FAM89A: variants seen among roughly 807,000 people sequenced by gnomAD.
FAM89A encodes the protein protein FAM89A.
FAM89A carries 10 observed loss-of-function variants against 7.1 expected under a neutral mutation model. The ratio of observed to expected loss-of-function variants is 1.40; its 90% CI spans 0.86 to 2.38. The LOEUF (loss-of-function observed/expected upper bound fraction) is 2.38, where lower values mean the gene tolerates loss of function less well. Among genes scored for constraint, FAM89A ranks in the 30% most tolerant of loss-of-function variants. The probability of loss-of-function intolerance (pLI) is 0.00; values close to 1 mark genes in which losing one functional copy is unlikely to be tolerated. For synonymous variants in FAM89A, 157 were observed against 129.3 expected, an observed-to-expected ratio of 1.21 and a Z score of -1.45; for missense variants, 276 against 262.8, an observed-to-expected ratio of 1.05 and a Z score of -0.35.
chr1:231,035,260 CT>C (rs895667832), intron 1 of FAM89A, among the ~76,000 whole-genome samples: 6 of 151,932 alleles, frequency 3.9e-5, no homozygotes, highest in African/African-American at 1.2e-4. Flanking sequence ...ACAAATTCAA[CT>C]TTTTTTTTCC....
intron 1 of FAM89A, among the ~76,000 whole-genome samples, chr1:231,036,205 A>G (rs1680153926): frequency 6.6e-6 from 1 of 152,208 alleles, no homozygotes; most frequent in Non-Finnish European, 1.5e-5. Context: ...CTAAGTTTCT[A>G]TTACTAATAT....
rs1553308177 is a variant in FAM89A, at chr1:231,019,822, T to C, written c.*41A>G. The C allele has an allele frequency of 8.2e-6, 13 of 1,593,480 alleles. No homozygotes were observed. The Middle Eastern group carries it at 6.0e-4, about 74-fold the overall frequency. On this transcript the variant is annotated 3_prime_UTR_variant, in exon 2 of 2. Coordinates refer to ENST00000366654, the MANE Select transcript of FAM89A (RefSeq NM_198552.3). ...CAGCAAATGATGACAGCGTGTCCAG[T>C]AGGAAGGGCTTCCCAACAGTCACAT...
chr1:231,032,894 C>T (rs1038244499), intron 1 of FAM89A, among the ~76,000 whole-genome samples: 4 of 152,174 alleles, frequency 2.6e-5, no homozygotes, highest in African/African-American at 4.8e-5. Flanking sequence ...AAAGATGGTG[C>T]CTCCCTCCCG....
At chr1:231,023,286 G>A (rs1679911690) in intron 1 of FAM89A, among the ~76,000 whole-genome samples, 3 of 152,212 alleles carry the variant, frequency 2.0e-5, no homozygotes, top group African/African-American at 4.8e-5. Context: ...CATAGGTTAT[G>A]ACTGGTGAAA....
intron 1 of FAM89A, among the ~76,000 whole-genome samples, chr1:231,035,289 C>T (rs1180245026): frequency 6.6e-6 from 1 of 152,154 alleles, no homozygotes; most frequent in African/African-American, 2.4e-5. Context: ...CAATTCTTTA[C>T]ACAACATTGC....
In FAM89A at chr1:231,019,932, G is replaced by T. The variant is rs1679841738; in HGVS notation, c.486C>A (p.Gly162=). The part of the protein sequence containing the change: ...QNSLHDRRDR[G]PPRDLSLPVS... ...CAGGCAGTGACAAGTCCCGAGGAGG[G>T]CCTCGGTCCCTCCTGTCGTGCAGGG... is the stretch of plus-strand genomic sequence containing the variant. Residue 162 remains glycine, a synonymous_variant, in exon 2 of 2, where the codon GGC becomes GGA. Transcript: ENST00000366654. The T allele has an allele frequency of 6.2e-7, 1 of 1,614,176 alleles. No homozygotes were observed. The highest frequency in any genetic ancestry group is 8.5e-7 in the Non-Finnish European group (1 of 1,180,026).
intron 1 of FAM89A, among the ~76,000 whole-genome samples, chr1:231,027,506 C>T (rs1271450819): frequency 6.6e-6 from 1 of 152,184 alleles, no homozygotes; most frequent in Non-Finnish European, 1.5e-5. Flanking sequence ...CTCAATGCCA[C>T]TGTCTTCAGG....
At chr1:231,039,866 T>C (rs1680228380) in intron 1 of FAM89A, 55 bp downstream of exon 1, 1 of 1,273,068 alleles carries the variant, frequency 7.9e-7, no homozygotes, top group Non-Finnish European at 9.9e-7. Context: ...CCGCGAACTT[T>C]CCCGGGACGG....
Position 231,040,006 on chromosome 1 carries a change from G to T in FAM89A, c.206C>A (p.Pro69Gln). The T allele has an allele frequency of 7.1e-7, 1 of 1,409,174 alleles. No individual in the cohort carries two copies. The highest frequency in any genetic ancestry group is 1.5e-5 in the African/African-American group (1 of 66,280). The allele number at this position is 1,409,174 out of a possible 1,614,324, so 87.3% of individuals were successfully genotyped here. A position where few individuals can be genotyped will look rare whatever the true frequency, so the allele number is the denominator to read the frequency against. Reference protein sequence around the residue: ...RIQDELSRGGPGGGGARAAAL... With the variant: ...RIQDELSRGGQGGGGARAAAL... Reference sequence around the variant, plus strand: ...TGCCGCCCGGGCCCCGCCGCCGCCCGGGCCCCCGCGGCTCAGCTCGTCCTG... The same window carrying T: ...TGCCGCCCGGGCCCCGCCGCCGCCCTGGCCCCCGCGGCTCAGCTCGTCCTG... The change falls in exon 1 of 2, where the codon CCG (proline) becomes CAG (glutamine). Residue 69 changes from proline (P) to glutamine (Q), a missense_variant. By Grantham distance (76) the Pro-to-Gln change is moderately conservative. Transcript: ENST00000366654.
intron 1 of FAM89A, among the ~76,000 whole-genome samples, chr1:231,036,908 C>A (rs1256187156): frequency 6.6e-6 from 1 of 151,892 alleles, no homozygotes; most frequent in Non-Finnish European, 1.5e-5. Flanking sequence ...CCCACTTTAC[C>A]AGTGATTGAT....
chr1:231,025,097 T>C (rs1211410082), intron 1 of FAM89A, among the ~76,000 whole-genome samples: 1 of 151,902 alleles, frequency 6.6e-6, no homozygotes, highest in Non-Finnish European at 1.5e-5. Flanking sequence ...TAATTTTTTG[T>C]ATTTTTAGTA....
chr1:231,019,746 C>T lies in FAM89A; in HGVS notation c.*117G>A, dbSNP rs1679836337. Reference sequence around the variant, plus strand: ...TACAAATGAAACTGGTAGCGCTCATCCCCTGTGCCCGAGGACCGTCCACAA... The same window carrying T: ...TACAAATGAAACTGGTAGCGCTCATTCCCTGTGCCCGAGGACCGTCCACAA... On this transcript the variant is annotated 3_prime_UTR_variant, in exon 2 of 2. Transcript: ENST00000366654. 7.9e-6 allele frequency: 9 copies of T among 1,143,346 alleles called. No individual in the cohort carries two copies. The highest frequency in any genetic ancestry group is 7.9e-5 in the South Asian group (5 of 63,528). The allele number at this position is 1,143,346 out of a possible 1,614,324, so 70.8% of individuals were successfully genotyped here.
At chr1:231,030,522 C>T (rs1200868739) in intron 1 of FAM89A, among the ~76,000 whole-genome samples, 1 of 152,188 alleles carries the variant, frequency 6.6e-6, no homozygotes, top group African/African-American at 2.4e-5. Flanking sequence ...TCCTCTTGTT[C>T]TGTCCTGGAT....
In FAM89A at chr1:231,020,053, T is replaced by C; in HGVS notation, c.365A>G (p.Lys122Arg). ...GCTGGAGGCTGCCTGGCATGCCCCC[T>C]TGTACTCCTGAATCGACTCGTAGAG... ...YSLYESIQEY[K>R]GACQAASSPD... Residue 122 changes from lysine to arginine, a missense_variant, in exon 2 of 2, where the codon AAG (lysine) becomes AGG (arginine). By Grantham distance (26) the Lys-to-Arg change is conservative (BLOSUM62 2). Transcript: ENST00000366654. 1 of 1,614,092 alleles carries C rather than the reference T, an allele frequency of 6.2e-7. No homozygotes were observed. The highest frequency in any genetic ancestry group is 8.5e-7 in the Non-Finnish European group (1 of 1,180,012).
chr1:231,027,069 C>T (rs1679988028), intron 1 of FAM89A: 1 of 152,196 alleles, frequency 6.6e-6, no homozygotes, highest in East Asian at 1.9e-4. Flanking sequence ...TTTCTCCTTC[C>T]TGGGATGGTT....
intron 1 of FAM89A, among the ~76,000 whole-genome samples, chr1:231,022,519 C>T (rs113127956): frequency 7.9e-5 from 12 of 152,184 alleles, no homozygotes; most frequent in Admixed American, 1.3e-4. Flanking sequence ...CCAGCTTTCC[C>T]GGGCACACCA....
chr1:231,024,546 A>ACACACACACACACACACC (rs1256984534), intron 1 of FAM89A, among the ~76,000 whole-genome samples: 3 of 150,062 alleles, frequency 2.0e-5, no homozygotes, highest in African/African-American at 7.5e-5. Context: ...ACACACACAC[A>ACACACACACACACACACC]CACATTTAGA....
At chr1:231,036,321 T>C (rs1680154964) in intron 1 of FAM89A, among the ~76,000 whole-genome samples, 1 of 152,202 alleles carries the variant, frequency 6.6e-6, no homozygotes, top group African/African-American at 2.4e-5. Flanking sequence ...AACATCTAGA[T>C]ATTTCCTATT....
intron 1 of FAM89A, chr1:231,021,876 A>G (rs1331752911): frequency 6.3e-7 from 1 of 1,579,696 alleles, no homozygotes; most frequent in African/African-American, 1.3e-5. Flanking sequence ...GACCATGCTG[A>G]CAGCTGCATG....
Sources: allele counts gnomAD v4.1 joint callset (sites outside exome capture counted in the v4.1 genomes callset), GRCh38; gene constraint gnomAD v4.1.1; transcripts MANE v1.5; gene names NCBI Gene and HGNC (gene_info 2026-07-23, HGNC 2026-07-21).